Variants in MIOS observed in about 807,000 individuals in gnomAD.
MIOS encodes the protein GATOR2 complex protein MIOS.
In MIOS, 52 loss-of-function variants were observed where a neutral mutation model predicts 96.9. That is an observed-to-expected ratio of 0.54 (90% CI 0.43 to 0.68). MIOS has a LOEUF of 0.68. Ranked by LOEUF, MIOS falls within the 30% of genes least tolerant of loss-of-function variation. The pLI is 0.00. For synonymous variants in MIOS, 397 were observed against 359.5 expected, an observed-to-expected ratio of 1.10 and a Z score of -1.18; for missense variants, 1,005 against 1,052.8, an observed-to-expected ratio of 0.95 and a Z score of 0.63.
Position 7,594,988 on chromosome 7 carries a change from T to G in MIOS, c.2052T>G (p.Pro684=). The G allele has an allele frequency of 1.9e-6, 3 of 1,606,600 alleles. 1 individual carries two copies. The highest frequency in any genetic ancestry group is 2.2e-5 in the South Asian group (2 of 89,264). Reference sequence around the variant, plus strand: ...TCATGTTTTCGTTTTAGGGTTCACCTTTAGATGTTCTTAAAGATGAAAGGG... The same window carrying G: ...TCATGTTTTCGTTTTAGGGTTCACCGTTAGATGTTCTTAAAGATGAAAGGG... The part of the protein sequence containing the change: ...TASYCMLQGS[P]LDVLKDERVQ... Residue 684 remains proline, a synonymous_variant, in exon 10 of 13, where the codon CCT becomes CCG. Coordinates refer to ENST00000340080, the MANE Select transcript of MIOS (RefSeq NM_019005.4).
intron 5 of MIOS, among the ~76,000 whole-genome samples, chr7:7,580,460 A>C (rs1783675524): frequency 6.6e-6 from 1 of 152,208 alleles, no homozygotes; most frequent in Non-Finnish European, 1.5e-5. Context: ...AGTCAGGTTA[A>C]AAATACGTAA....
At chr7:7,569,025 G>A (rs967894075) in intron 3 of MIOS, among the ~76,000 whole-genome samples, 8 of 152,170 alleles carry the variant, frequency 5.3e-5, no homozygotes, top group Non-Finnish European at 8.8e-5. Flanking sequence ...GCTTACCATA[G>A]ACCATTGGTA....
chr7:7,602,423 A>G (rs1489857911), intron 11 of MIOS, among the ~76,000 whole-genome samples: 2 of 152,174 alleles, frequency 1.3e-5, no homozygotes, highest in Admixed American at 1.3e-4. Flanking sequence ...ATTCTTATAC[A>G]CCAATAACAG....
chr7:7,589,448 C>A lies in MIOS; in HGVS notation c.1928C>A (p.Ala643Asp), dbSNP rs192831653. The part of the protein sequence containing the change: ...IEKLTNEMKE[A>D]GNLEGILLTG... Reference sequence around the variant, plus strand: ...AAGTTGACCAATGAAATGAAAGAGGCTGGAAATTTGGAAGGAATTTTGCTT... The same window carrying A: ...AAGTTGACCAATGAAATGAAAGAGGATGGAAATTTGGAAGGAATTTTGCTT... The change falls in exon 9 of 13, where the codon GCT (alanine) becomes GAT (aspartate). Residue 643 changes from alanine to aspartate, a missense_variant. Coordinates refer to ENST00000340080, the MANE Select transcript of MIOS (RefSeq NM_019005.4). The A allele has an allele frequency of 4.2e-4, 678 of 1,613,434 alleles. 4 individuals are homozygous for A. In the African/African-American group the frequency reaches 7.9e-3, roughly 19 times the overall value.
In MIOS at chr7:7,574,136, C is replaced by G; in HGVS notation, c.1333C>G (p.Pro445Ala). 2 of 1,610,946 alleles carry G rather than the reference C, an allele frequency of 1.2e-6. No homozygotes were observed. Among genetic ancestry groups the G allele is most frequent in the Non-Finnish European group, 1.7e-6 (2 of 1,178,300 alleles). Reference sequence around the variant, plus strand: ...CACAGAAGATATGGATCAGAAATCTCCAGGCAACAAAGGATCATTGGTTTA... The same window carrying G: ...CACAGAAGATATGGATCAGAAATCTGCAGGCAACAAAGGATCATTGGTTTA... The part of the protein sequence containing the change: ...QYTEDMDQKS[P>A]GNKGSLVYAG... The change falls in exon 5 of 13, where the codon CCA becomes GCA. Residue 445 changes from proline (P) to alanine (A), a missense_variant. Transcript: ENST00000340080.
chr7:7,582,631 GAAA>G (rs1321876484), intron 5 of MIOS: 1 of 978,598 alleles, frequency 1.0e-6, no homozygotes, highest in Non-Finnish European at 1.2e-6. Context: ...AATGTACAGA[GAAA>G]GAAGGAAGAA....
In MIOS at chr7:7,573,253, G is replaced by A. The variant is rs1290878489; in HGVS notation, c.778G>A (p.Val260Ile). ...GGATCTTAGAAAATTTGAGAAGCCAGTTTTGACATTGACTGAGCAACCAAA... is the reference window on the plus strand; with the variant it reads ...GGATCTTAGAAAATTTGAGAAGCCAATTTTGACATTGACTGAGCAACCAAA... ...IWDLRKFEKPVLTLTEQPKPL... is the reference protein window; with the variant it reads ...IWDLRKFEKPILTLTEQPKPL... The change falls in exon 4 of 13, where the codon GTT becomes ATT. Residue 260 changes from valine (V) to isoleucine (I), a missense_variant. By Grantham distance (29) the Val-to-Ile change is conservative (BLOSUM62 3). Around this residue, in one of 3 missense-constraint regions of MIOS, gnomAD observed 865 missense variants for 887.9 expected, o/e 0.97. Coordinates refer to ENST00000340080, the MANE Select transcript of MIOS (RefSeq NM_019005.4). The surrounding 1 kb of genome is among the most constrained non-coding windows in gnomAD (Gnocchi z 5.0). 1 of 1,614,150 alleles carries A rather than the reference G, an allele frequency of 6.2e-7. No individual in the cohort carries two copies. Among genetic ancestry groups the A allele is most frequent in the East Asian group, 2.2e-5 (1 of 44,892 alleles).
At chr7:7,599,194 A>G (rs9640044) in intron 11 of MIOS, among the ~76,000 whole-genome samples, 145,232 of 152,226 alleles carry the variant, frequency 0.95, 69,395 homozygotes, top group East Asian at 1. Context: ...ATCTCATTTG[A>G]CCACAAAACC....
intron 8 of MIOS, 78 bp from the exon 9 acceptor site, chr7:7,589,327 T>C: frequency 1.6e-6 from 2 of 1,263,940 alleles, no homozygotes; most frequent in Non-Finnish European, 2.2e-6. Context: ...AGGAATGAAA[T>C]TGTTCAAAAT....
chr7:7,589,957 A>C (rs529949974), intron 9 of MIOS, among the ~76,000 whole-genome samples: 2 of 152,050 alleles, frequency 1.3e-5, no homozygotes, highest in South Asian at 4.1e-4. Context: ...CTCAGCTTTC[A>C]TTTTCTCTTT....
At chr7:7,586,164 G>A (rs1441484679) in intron 7 of MIOS, among the ~76,000 whole-genome samples, 4 of 3,832 alleles carry the variant, frequency 1.0e-3, no homozygotes, top group African/African-American at 2.7e-3. Flanking sequence ...ACGTGTGTGT[G>A]TGTGTGTGTG....
Position 7,603,525 on chromosome 7 carries a change from C to G in MIOS, c.2402-2417C>G, listed in dbSNP as rs549187172. Among the ~76,000 whole-genome samples, 986 of 152,304 alleles carry G rather than the reference C, an allele frequency of 6.5e-3. 11 individuals are homozygous for G. The highest frequency in any genetic ancestry group is 0.023 in the African/African-American group (948 of 41,554). ...AACCACAATGAGATACCATCTCACA[C>G]CAGTTAGAATGGCGATCATTAAAAA... On this transcript the variant is annotated intron_variant, in intron 11 of 12. Coordinates refer to ENST00000340080, the MANE Select transcript of MIOS (RefSeq NM_019005.4).
At chr7:7,584,515 T>A (rs1783824656) in intron 6 of MIOS, among the ~76,000 whole-genome samples, 1 of 152,158 alleles carries the variant, frequency 6.6e-6, no homozygotes, top group Non-Finnish European at 1.5e-5. Context: ...AATTGTTCTA[T>A]ACAAAATCCA....
At position 7,572,127 on chromosome 7, in the gene MIOS, T is replaced by C. The variant is rs1421357299; in HGVS notation, c.-40-309T>C. 1.3e-5 allele frequency among the ~76,000 whole-genome samples: 2 copies of C among 152,240 alleles called. No homozygotes were observed. Among genetic ancestry groups the C allele is most frequent in the African/African-American group, 4.8e-5 (2 of 41,462 alleles). On this transcript the variant is annotated intron_variant, in intron 3 of 12. Transcript: ENST00000340080. This position sits in a 1 kb window ranked among gnomAD's most constrained non-coding sequence, Gnocchi z 4.8. ...TATTAATTTGCTTACCACACTGAAG[T>C]TGTTATAACTCTGAAGTTAAGCTGA...
rs1784196500 is a variant in MIOS, at chr7:7,596,126, A to G, written c.2197-131A>G. On this transcript the variant is annotated intron_variant, in intron 10 of 12. Coordinates refer to ENST00000340080, the MANE Select transcript of MIOS (RefSeq NM_019005.4). ...TAAATGAAAGCTAGTCAACCTTAGCAGATCAATTTTGAAATATAAAATAAA... is the reference window on the plus strand; with the variant it reads ...TAAATGAAAGCTAGTCAACCTTAGCGGATCAATTTTGAAATATAAAATAAA... 4.0e-6 allele frequency: 3 copies of G among 756,488 alleles called. No individual in the cohort carries two copies. The South Asian group carries it at 6.8e-5, about 17-fold the overall frequency. 46.9% of individuals were successfully genotyped at this position (756,488 alleles called of 1,614,324 possible).
In MIOS at chr7:7,572,105, T is replaced by C. The variant is rs1783375723; in HGVS notation, c.-40-331T>C. 1.3e-5 allele frequency among the ~76,000 whole-genome samples: 2 copies of C among 152,360 alleles called. No homozygotes were observed. Among genetic ancestry groups the C allele is most frequent in the South Asian group, 4.1e-4 (2 of 4,832 alleles). On this transcript the variant is annotated intron_variant, in intron 3 of 12. Transcript: ENST00000340080. This position sits in a 1 kb window ranked among gnomAD's most constrained non-coding sequence, Gnocchi z 4.8. ...CCCCCTTCAAAGGGATAATACTTAT[T>C]AATTTGCTTACCACACTGAAGTTGT...
At chr7:7,570,570 C>T (rs1783317159) in intron 3 of MIOS, among the ~76,000 whole-genome samples, 1 of 151,930 alleles carries the variant, frequency 6.6e-6, no homozygotes, top group African/African-American at 2.4e-5. Context: ...AATTATACAA[C>T]TCACCGTAAT....
intron 11 of MIOS, among the ~76,000 whole-genome samples, chr7:7,601,845 C>G (rs528003160): frequency 3.0e-4 from 46 of 152,280 alleles, no homozygotes; most frequent in African/African-American, 1.1e-3. Context: ...CAAACCAAAT[C>G]CAGCAACACA....
Position 7,599,379 on chromosome 7 carries a change from C to CT in MIOS, c.2401+2918_2401+2919insT, listed in dbSNP as rs1206526489. 6.6e-5 allele frequency among the ~76,000 whole-genome samples: 10 copies of CT among 152,212 alleles called. No homozygotes were observed. In the East Asian group the frequency reaches 1.7e-3, roughly 26 times the overall value. The stretch of plus-strand genomic sequence containing the variant: ...ATCCCAAACATCCTGGATTCTGAAA[C>CT]ACATCTAAACCCCCAACATGAATTA... On this transcript the variant is annotated intron_variant, in intron 11 of 12. Transcript: ENST00000340080.
Sources: allele counts gnomAD v4.1 joint callset (sites outside exome capture counted in the v4.1 genomes callset), GRCh38; gene constraint gnomAD v4.1.1; regional missense constraint gnomAD v4.1.1; non-coding constraint Gnocchi (gnomAD v3.1); transcripts MANE v1.5; gene names NCBI Gene and HGNC (gene_info 2026-07-23, HGNC 2026-07-21).